Variants in HS6ST3 observed in about 807,000 individuals in gnomAD.
HS6ST3 encodes the protein heparan sulfate 6-O-sulfotransferase 3, also known as heparan-sulfate 6-O-sulfotransferase 3.
Under a neutral mutation model 36.7 loss-of-function variants are expected in HS6ST3, and 12 were observed. The ratio of observed to expected loss-of-function variants is 0.33; its 90% confidence interval spans 0.21 to 0.53. The LOEUF is 0.53. Ranked by LOEUF, HS6ST3 falls within the 20% of genes least tolerant of loss-of-function variation. The probability of loss-of-function intolerance (pLI) is 0.95; values close to 1 mark genes in which losing one functional copy is unlikely to be tolerated. For synonymous variants in HS6ST3, 240 were observed against 257.5 expected (o/e 0.93, Z 0.65); for missense variants, 584 against 640.9 (o/e 0.91, Z 0.96).
Position 96,440,031 on chromosome 13 carries a change from A to G in HS6ST3, c.707+348462A>G, listed in dbSNP as rs534435268. On this transcript the variant is annotated intron_variant, in intron 1 of 1. Coordinates refer to ENST00000376705, the MANE Select transcript of HS6ST3 (RefSeq NM_153456.4). ...TTTACTGATATGTTGATAGAGTGAT[A>G]TGCTCCATTTATACCAGTAAGTATT... Among the ~76,000 whole-genome samples the G allele has an allele frequency of 5.9e-5, 9 of 152,336 alleles. No individual in the cohort carries two copies. In the South Asian group the frequency reaches 1.9e-3, roughly 32 times the overall value.
At chr13:96,434,457 A>G (rs1276261524) in intron 1 of HS6ST3, among the ~76,000 whole-genome samples, 8 of 152,206 alleles carry the variant, frequency 5.3e-5, no homozygotes, top group Non-Finnish European at 2.9e-5. Flanking sequence ...GTCTAGCCAA[A>G]TGGCTCCCTG....
chr13:96,803,690 A>G lies in HS6ST3; in HGVS notation c.708-28800A>G, dbSNP rs555318208. Among the ~76,000 whole-genome samples, 15 of 152,286 alleles carry G rather than the reference A, an allele frequency of 9.8e-5. 1 individual carries two copies. The South Asian group carries it at 3.1e-3, about 32-fold the overall frequency. On this transcript the variant is annotated intron_variant, in intron 1 of 1. Coordinates refer to ENST00000376705, the MANE Select transcript of HS6ST3 (RefSeq NM_153456.4). Reference sequence around the variant, plus strand: ...AGAATTTATTTGTTTGCCTGTTGATAGTTTTAGATCCAATACTGAGAGTGG... The same window carrying G: ...AGAATTTATTTGTTTGCCTGTTGATGGTTTTAGATCCAATACTGAGAGTGG...
chr13:96,818,145 G>A (rs975594532), intron 1 of HS6ST3, among the ~76,000 whole-genome samples: 22 of 152,340 alleles, frequency 1.4e-4, no homozygotes, highest in Middle Eastern at 3.4e-3. Flanking sequence ...CTCCACACTT[G>A]AATTGATGAA....
intron 1 of HS6ST3, among the ~76,000 whole-genome samples, chr13:96,625,867 G>T (rs1452289052): frequency 6.6e-6 from 1 of 150,558 alleles, no homozygotes; most frequent in Non-Finnish European, 1.5e-5. Flanking sequence ...TCGAGACGGA[G>T]TCTTGCTCTG....
chr13:96,666,762 T>C (rs1594831445), intron 1 of HS6ST3, among the ~76,000 whole-genome samples: 1 of 152,288 alleles, frequency 6.6e-6, no homozygotes, highest in Non-Finnish European at 1.5e-5. Flanking sequence ...CTTTATAAAA[T>C]AGTTATATTT....
intron 1 of HS6ST3, among the ~76,000 whole-genome samples, chr13:96,728,434 G>C (rs1876059485): frequency 6.6e-6 from 1 of 152,128 alleles, no homozygotes; most frequent in African/African-American, 2.4e-5. Context: ...CTCTACAGTT[G>C]AGATTAAACA....
At chr13:96,829,900 T>C (rs1878737882) in intron 1 of HS6ST3, among the ~76,000 whole-genome samples, 2 of 152,154 alleles carry the variant, frequency 1.3e-5, no homozygotes, top group Admixed American at 1.3e-4. Flanking sequence ...GTTCTGTCTT[T>C]AGGTCTTTGA....
At chr13:96,614,325 A>AAAAAAAAAAAAAG (rs2056466805) in intron 1 of HS6ST3, among the ~76,000 whole-genome samples, 1 of 144,242 alleles carries the variant, frequency 6.9e-6, no homozygotes, top group African/African-American at 2.7e-5. Context: ...AAAAAAAAAA[A>AAAAAAAAAAAAAG]AAACAGTTAT....
chr13:96,810,466 ACTTAATG>A (rs1447774746), intron 1 of HS6ST3, among the ~76,000 whole-genome samples: 1 of 152,192 alleles, frequency 6.6e-6, no homozygotes, highest in African/African-American at 2.4e-5. Flanking sequence ...GCTGACCTTT[ACTTAATG>A]CTTATTCTAT....
At chr13:96,146,427 G>A (rs1249984605) in intron 1 of HS6ST3, among the ~76,000 whole-genome samples, 1 of 152,058 alleles carries the variant, frequency 6.6e-6, no homozygotes. Flanking sequence ...ATTGTGAATG[G>A]GAGTGCACTC....
intron 1 of HS6ST3, among the ~76,000 whole-genome samples, chr13:96,512,548 GT>G (rs988397578): frequency 1.3e-5 from 2 of 151,726 alleles, no homozygotes; most frequent in Admixed American, 6.6e-5. Flanking sequence ...TATTGTGGGT[GT>G]TTTTTTTGTT....
chr13:96,717,532 T>A (rs987653107), intron 1 of HS6ST3, among the ~76,000 whole-genome samples: 5 of 152,232 alleles, frequency 3.3e-5, no homozygotes, highest in African/African-American at 1.2e-4. Flanking sequence ...CAAGCGTGTT[T>A]CCTTATTTTT....
At chr13:96,173,937 G>C (rs1340423934) in intron 1 of HS6ST3, among the ~76,000 whole-genome samples, 1 of 152,036 alleles carries the variant, frequency 6.6e-6, no homozygotes, top group Non-Finnish European at 1.5e-5. Flanking sequence ...GCTCCAAAGG[G>C]CATGTGTAAT....
intron 1 of HS6ST3, among the ~76,000 whole-genome samples, chr13:96,529,841 A>G (rs1379478049): frequency 2.6e-5 from 4 of 152,198 alleles, no homozygotes; most frequent in East Asian, 1.9e-4. Context: ...TTATTATACA[A>G]GAGCAAACTG....
chr13:96,745,125 G>T (rs1924587), intron 1 of HS6ST3, among the ~76,000 whole-genome samples: 1 of 151,812 alleles, frequency 6.6e-6, no homozygotes, highest in African/African-American at 2.4e-5. Context: ...GATCACCCAA[G>T]ACAGCTGAGT....
rs71113979 is a variant in HS6ST3, at chr13:96,133,843, G to GTTT, written c.707+42289_707+42291dup. Among the ~76,000 whole-genome samples the GTTT allele has an allele frequency of 1.6e-3, 230 of 142,174 alleles. 1 individual carries two copies. Among genetic ancestry groups the GTTT allele is most frequent in the African/African-American group, 5.5e-3 (212 of 38,586 alleles). The allele number at this position is 142,174 out of a possible 152,430, so 93.3% of individuals were successfully genotyped here. A position where few individuals can be genotyped will look rare whatever the true frequency, so the allele number is the denominator to read the frequency against. On this transcript the variant is annotated intron_variant, in intron 1 of 1. Coordinates refer to ENST00000376705, the MANE Select transcript of HS6ST3 (RefSeq NM_153456.4). ...CCAGAGCAACTCTTTGAGCTTTTAT[G>GTTT]TTTTTTTTTTTTTTTTTAGTAGTTT...
intron 1 of HS6ST3, among the ~76,000 whole-genome samples, chr13:96,204,613 C>A (rs2054360321): frequency 6.6e-6 from 1 of 152,108 alleles, no homozygotes; most frequent in Non-Finnish European, 1.5e-5. Context: ...CACTCCTAAG[C>A]AAATGCAGAG....
intron 1 of HS6ST3, among the ~76,000 whole-genome samples, chr13:96,365,660 A>G (rs1290272818): frequency 1.3e-5 from 2 of 152,224 alleles, no homozygotes; most frequent in Admixed American, 6.5e-5. Context: ...AATGTTAATA[A>G]AAGTTGTTTC....
chr13:96,162,184 G>A (rs972869798), intron 1 of HS6ST3, among the ~76,000 whole-genome samples: 1 of 152,166 alleles, frequency 6.6e-6, no homozygotes, highest in African/African-American at 2.4e-5. Flanking sequence ...ATATAAAAAT[G>A]TATTTTAAAA....
Sources: allele counts gnomAD v4.1 joint callset (sites outside exome capture counted in the v4.1 genomes callset), GRCh38; gene constraint gnomAD v4.1.1; transcripts MANE v1.5; gene names NCBI Gene and HGNC (gene_info 2026-07-23, HGNC 2026-07-21).